Variants in NUFIP2 observed in about 807,000 individuals in gnomAD.
NUFIP2 encodes nuclear FMR1 interacting protein 2, also known as FMR1-interacting protein NUFIP2.
In NUFIP2, 6 loss-of-function variants were observed where a neutral mutation model predicts 56.9. The observed-to-expected ratio is 0.11, with a 90% confidence interval of 0.06 to 0.21. The LOEUF is 0.21. Ranked by LOEUF, NUFIP2 falls within the 10% of genes least tolerant of loss-of-function variation. The pLI is 1.00. For synonymous variants in NUFIP2, 321 were observed against 298.2 expected (o/e 1.08, Z -0.79); for missense variants, 828 against 826.8 (o/e 1.00, Z -0.02).
rs1212777969 is a variant in NUFIP2 at position 29,258,216 on chromosome 17, C to A, written c.*6323G>T. 6.6e-6 allele frequency: 1 copy of A among 152,182 alleles called. No individual in the cohort carries two copies. The highest frequency in any genetic ancestry group is 6.5e-5 in the Admixed American group (1 of 15,270). 9.4% of individuals were successfully genotyped at this position (152,182 alleles called of 1,614,324 possible). A position where few individuals can be genotyped will look rare whatever the true frequency, so the allele number is the denominator to read the frequency against. ...AGATAGCTTTGGCCCACACATCTTT[C>A]TCATTCCTCCACCTCATTTGGTGTT... On this transcript the variant is annotated 3_prime_UTR_variant, in exon 4 of 4. Coordinates refer to ENST00000225388, the MANE Select transcript of NUFIP2 (RefSeq NM_020772.3).
In NUFIP2 at chr17:29,286,534, T is replaced by A; in HGVS notation, c.1460A>T (p.Gln487Leu). The A allele has an allele frequency of 6.2e-7, 1 of 1,614,214 alleles. No individual in the cohort carries two copies. The highest frequency in any genetic ancestry group is 1.3e-5 in the African/African-American group (1 of 75,066). Residue 487 changes from glutamine (Q) to leucine (L), a missense_variant, in exon 2 of 4, where the codon CAA (glutamine) becomes CTA (leucine). Transcript: ENST00000225388. Reference sequence around the variant, plus strand: ...ATCTGTCTGAGAGGGCAGATCCACTTGTGCTGTGCTCAACAGCATAGTTTG... The same window carrying A: ...ATCTGTCTGAGAGGGCAGATCCACTAGTGCTGTGCTCAACAGCATAGTTTG... ...NMQTMLLSTA[Q>L]VDLPSQTDQQ...
intron 2 of NUFIP2, among the ~76,000 whole-genome samples, chr17:29,281,136 AT>A (rs1435971219): frequency 2.0e-5 from 3 of 149,726 alleles, no homozygotes; most frequent in East Asian, 4.0e-4. Context: ...CACTATATGT[AT>A]ATATACATAT....
chr17:29,265,371 C>G (rs1361211227), intron 3 of NUFIP2, among the ~76,000 whole-genome samples: 8 of 144,840 alleles, frequency 5.5e-5, no homozygotes, highest in Admixed American at 5.5e-4. Flanking sequence ...GGCGCGATCT[C>G]GGCTCACTGC....
At chr17:29,292,385 G>A (rs1239540924) in intron 1 of NUFIP2, among the ~76,000 whole-genome samples, 3 of 151,812 alleles carry the variant, frequency 2.0e-5, no homozygotes, top group Non-Finnish European at 4.4e-5. Flanking sequence ...GGGTCGGGAG[G>A]GGAATGGAAC....
At chr17:29,272,683 A>T (rs1279321513) in intron 2 of NUFIP2, among the ~76,000 whole-genome samples, 2 of 152,160 alleles carry the variant, frequency 1.3e-5, no homozygotes, top group Non-Finnish European at 2.9e-5. Context: ...AATGTTTGGG[A>T]CCAGAAGTGT....
At chr17:29,276,893 T>C (rs1450807975) in intron 2 of NUFIP2, among the ~76,000 whole-genome samples, 1 of 152,202 alleles carries the variant, frequency 6.6e-6, no homozygotes, top group Admixed American at 6.5e-5. Flanking sequence ...CAATTTCATA[T>C]AGTCAAACTG....
At chr17:29,267,731 T>C (rs2069047075) in intron 2 of NUFIP2, among the ~76,000 whole-genome samples, 1 of 152,176 alleles carries the variant, frequency 6.6e-6, no homozygotes, top group South Asian at 2.1e-4. Context: ...AGGGTCTTGC[T>C]CTGTTACTGC....
chr17:29,275,888 A>C (rs1227650501), intron 2 of NUFIP2, among the ~76,000 whole-genome samples: 3 of 151,696 alleles, frequency 2.0e-5, no homozygotes, highest in Non-Finnish European at 1.5e-5. Flanking sequence ...ATTAGCCGGG[A>C]GTGGTGGTGC....
chr17:29,286,535 G>C lies in NUFIP2; in HGVS notation c.1459C>G (p.Gln487Glu). 1 of 1,614,152 alleles carries C rather than the reference G, an allele frequency of 6.2e-7. No homozygotes were observed. The highest frequency in any genetic ancestry group is 8.5e-7 in the Non-Finnish European group (1 of 1,180,016). The change falls in exon 2 of 4, where the codon CAA becomes GAA. Residue 487 changes from glutamine to glutamate, a missense_variant. Physicochemically the swap from Gln to Glu is conservative, Grantham distance 29. Coordinates refer to ENST00000225388, the MANE Select transcript of NUFIP2 (RefSeq NM_020772.3). ...TCTGTCTGAGAGGGCAGATCCACTT[G>C]TGCTGTGCTCAACAGCATAGTTTGC... ...NMQTMLLSTA[Q>E]VDLPSQTDQQ...
At position 29,286,522 on chromosome 17, in the gene NUFIP2, G is replaced by A. The variant is rs771895892; in HGVS notation, c.1472C>T (p.Pro491Leu). Residue 491 changes from proline to leucine, a missense_variant, in exon 2 of 4, where the codon CCC becomes CTC. By Grantham distance (98) the Pro-to-Leu change is moderately conservative. Transcript: ENST00000225388. ...CAGGTTTTGCTGATCTGTCTGAGAG[G>A]GCAGATCCACTTGTGCTGTGCTCAA... Reference protein sequence around the residue: ...MLLSTAQVDLPSQTDQQNLGD... With the variant: ...MLLSTAQVDLLSQTDQQNLGD... 2 of 1,614,122 alleles carry A rather than the reference G, an allele frequency of 1.2e-6. No individual in the cohort carries two copies. The highest frequency in any genetic ancestry group is 1.1e-5 in the South Asian group (1 of 91,074).
intron 2 of NUFIP2, among the ~76,000 whole-genome samples, chr17:29,280,760 C>T (rs892791165): frequency 2.0e-5 from 3 of 151,728 alleles, no homozygotes; most frequent in African/African-American, 4.8e-5. Context: ...CGGAGGTGGG[C>T]GGAGAACTTG....
At chr17:29,273,223 G>A (rs1278922678) in intron 2 of NUFIP2, among the ~76,000 whole-genome samples, 2 of 152,128 alleles carry the variant, frequency 1.3e-5, no homozygotes, top group Admixed American at 6.5e-5. Context: ...AGTTTTAGTA[G>A]AGATGGGGTT....
chr17:29,294,031 G>A lies in NUFIP2; in HGVS notation c.29C>T (p.Pro10Leu). Residue 10 changes from proline (P) to leucine (L), a missense_variant, in exon 1 of 4, where the codon CCT becomes CTT. This residue lies in a region of NUFIP2 where 415 missense variants were observed against 408.7 expected (regional missense o/e 1.02). Coordinates refer to ENST00000225388, the MANE Select transcript of NUFIP2 (RefSeq NM_020772.3). Reference sequence around the variant, plus strand: ...ATGGTGGTGGCTGTGATGGTGCTGAGGCTGTGGCTGGCCGGGCTTCTCCTC... The same window carrying A: ...ATGGTGGTGGCTGTGATGGTGCTGAAGCTGTGGCTGGCCGGGCTTCTCCTC... MEEKPGQPQPQHHHSHHHPH... is the reference protein window; with the variant it reads MEEKPGQPQLQHHHSHHHPH... 2 of 1,607,236 alleles carry A rather than the reference G, an allele frequency of 1.2e-6. No homozygotes were observed. Among genetic ancestry groups the A allele is most frequent in the Non-Finnish European group, 1.7e-6 (2 of 1,175,340 alleles).
At chr17:29,283,296 T>C (rs1182265722) in intron 2 of NUFIP2, among the ~76,000 whole-genome samples, 1 of 152,180 alleles carries the variant, frequency 6.6e-6, no homozygotes, top group Non-Finnish European at 1.5e-5. Flanking sequence ...AAATTGTACA[T>C]AAGAACTATT....
intron 2 of NUFIP2, among the ~76,000 whole-genome samples, chr17:29,283,909 C>T (rs1040560366): frequency 1.3e-5 from 2 of 152,294 alleles, no homozygotes; most frequent in Non-Finnish European, 2.9e-5. Flanking sequence ...TCCTAAACTT[C>T]CATTAAGCAA....
rs1163565293 is a variant in NUFIP2 at position 29,287,663 on chromosome 17, G to A, written c.331C>T (p.Leu111=). The A allele has an allele frequency of 6.2e-7, 1 of 1,613,152 alleles. No homozygotes were observed. The highest frequency in any genetic ancestry group is 1.7e-5 in the Admixed American group (1 of 59,802). Residue 111 remains leucine, a synonymous_variant, in exon 2 of 4, where the codon CTG becomes TTG. Transcript: ENST00000225388. Reference sequence around the variant, plus strand: ...GGGTTGGTGGCTTCATCAGAACTCAGGTTCTTTAAAGATATTTCTCTTTCT... The same window carrying A: ...GGGTTGGTGGCTTCATCAGAACTCAAGTTCTTTAAAGATATTTCTCTTTCT... ...AGEREISLKN[L]SSDEATNPIS...
chr17:29,293,481 G>A (rs1231429341), intron 1 of NUFIP2, among the ~76,000 whole-genome samples: 1 of 152,118 alleles, frequency 6.6e-6, no homozygotes, highest in Non-Finnish European at 1.5e-5. Context: ...GGAGGTGAAT[G>A]GGAAAAGAAT....
In NUFIP2 at chr17:29,270,804, T is replaced by C. The variant is rs1268891948; in HGVS notation, c.2003-3274A>G. ...GAAACATAGGGAGACCCTGTGTCTA[T>C]TATTAAAAAATAAATAAGAAAAAAG... is the stretch of plus-strand genomic sequence containing the variant. On this transcript the variant is annotated intron_variant, in intron 2 of 3. Transcript: ENST00000225388. Among the ~76,000 whole-genome samples, 3 of 152,198 alleles carry C rather than the reference T, an allele frequency of 2.0e-5. 1 individual carries two copies. The South Asian group carries it at 6.2e-4, about 32-fold the overall frequency.
intron 2 of NUFIP2, among the ~76,000 whole-genome samples, chr17:29,278,480 T>C (rs185500252): frequency 2.7e-3 from 413 of 152,154 alleles, no homozygotes; most frequent in African/African-American, 9.4e-3. Context: ...TCTCCTGACC[T>C]CGTGATCTGC....
Sources: allele counts gnomAD v4.1 joint callset (sites outside exome capture counted in the v4.1 genomes callset), GRCh38; gene constraint gnomAD v4.1.1; regional missense constraint gnomAD v4.1.1; transcripts MANE v1.5; gene names NCBI Gene and HGNC (gene_info 2026-07-23, HGNC 2026-07-21).